Variants in CLSTN3 observed in about 807,000 individuals in gnomAD.
The protein encoded by CLSTN3 is calsyntenin 3.
In CLSTN3, 36 loss-of-function variants were observed where a neutral mutation model predicts 95.9. That is an observed-to-expected ratio of 0.38 (90% CI 0.29 to 0.50). The LOEUF (loss-of-function observed/expected upper bound fraction) is 0.50. Among genes scored for constraint, CLSTN3 ranks in the 20% least tolerant of loss-of-function variants. The probability of loss-of-function intolerance (pLI) is 0.95; values close to 1 mark genes in which losing one functional copy is unlikely to be tolerated. For missense variants in CLSTN3, 1,084 were observed against 1,268.8 expected (o/e 0.85, Z 2.21); for synonymous variants, 481 against 504.0 (o/e 0.95, Z 0.61).
At position 7,142,926 on chromosome 12, in the gene CLSTN3, G is replaced by C; in HGVS notation, c.1598G>C (p.Arg533Pro). Residue 533 changes from arginine (R) to proline (P), a missense_variant, in exon 11 of 18, where the codon CGC becomes CCC. Coordinates refer to ENST00000266546, the MANE Select transcript of CLSTN3 (RefSeq NM_014718.4). ...FHGYLAGFSV[R>P]SGRLESREVI... ...GGCTACCTGGCTGGTTTCAGCGTGC[G>C]CTCAGGTCGCCTGGAGAGCCGCGAG... 1 of 1,614,070 alleles carries C rather than the reference G, an allele frequency of 6.2e-7. No individual in the cohort carries two copies. The highest frequency in any genetic ancestry group is 8.5e-7 in the Non-Finnish European group (1 of 1,180,000).
At chr12:7,134,905 G>A (rs912470480) in intron 3 of CLSTN3, among the ~76,000 whole-genome samples, 3 of 152,120 alleles carry the variant, frequency 2.0e-5, no homozygotes, top group African/African-American at 7.2e-5. Context: ...TCCCTCTGGT[G>A]TTGTCCTCTC....
chr12:7,137,850 A>C lies in CLSTN3; in HGVS notation c.1211-105A>C. 1.2e-5 allele frequency: 7 copies of C among 561,384 alleles called. No homozygotes were observed. Among genetic ancestry groups the C allele is most frequent in the Middle Eastern group, 3.3e-4 (1 of 3,028 alleles). The allele number at this position is 561,384 out of a possible 1,614,324, so 34.8% of individuals were successfully genotyped here. The stretch of plus-strand genomic sequence containing the variant: ...AAGAAAAATGCTAGAGAACGAGGGA[A>C]TGAGAGAGGATTAAGAGAATCCAAC... On this transcript the variant is annotated intron_variant, in intron 7 of 17. Coordinates refer to ENST00000266546, the MANE Select transcript of CLSTN3 (RefSeq NM_014718.4). This position sits in a 1 kb window ranked among gnomAD's most constrained non-coding sequence, Gnocchi z 4.4.
At chr12:7,142,177 C>T (rs1939538052) in intron 10 of CLSTN3, 38 bp downstream of exon 10, 4 of 1,529,082 alleles carry the variant, frequency 2.6e-6, no homozygotes, top group Non-Finnish European at 3.6e-6. Flanking sequence ...AGAGAGTTCT[C>T]ATCTTCACTT....
At position 7,158,104 on chromosome 12, in the gene CLSTN3, G is replaced by A. The variant is rs1286782968; in HGVS notation, c.*23G>A. 1.6e-5 allele frequency: 24 copies of A among 1,483,426 alleles called. No individual in the cohort carries two copies. The highest frequency in any genetic ancestry group is 2.0e-5 in the Non-Finnish European group (22 of 1,108,272). The allele number at this position is 1,483,426 out of a possible 1,614,324, so 91.9% of individuals were successfully genotyped here. A position where few individuals can be genotyped will look rare whatever the true frequency, so the allele number is the denominator to read the frequency against. ...TAAGGCCTACACCTCTCCCCACGCA[G>A]AGGGGGAATTCTGCCCTGGTGAAAC... On this transcript the variant is annotated 3_prime_UTR_variant, in exon 18 of 18. Transcript: ENST00000266546.
In CLSTN3 at chr12:7,136,222, C is replaced by T. The variant is rs1447303936; in HGVS notation, c.759C>T (p.Ile253=). ...CCCATGCAGGCTGGAACAAAAGGATCGAATATGCACCAGGTGCTGGGAGCT... is the reference window on the plus strand; with the variant it reads ...CCCATGCAGGCTGGAACAAAAGGATTGAATATGCACCAGGTGCTGGGAGCT... The part of the protein sequence containing the change: ...KPSWQGWNKR[I]EYAPGAGSLA... Residue 253 remains isoleucine (I), a synonymous_variant, in exon 6 of 18, where the codon ATC becomes ATT. Transcript: ENST00000266546. 6.8e-6 allele frequency: 11 copies of T among 1,613,824 alleles called. No individual in the cohort carries two copies. The highest frequency in any genetic ancestry group is 3.3e-5 in the Admixed American group (2 of 59,990).
In CLSTN3 at chr12:7,132,097, C is replaced by G. The variant is rs148112355; in HGVS notation, c.65-927C>G. On this transcript the variant is annotated intron_variant, in intron 1 of 17. Coordinates refer to ENST00000266546, the MANE Select transcript of CLSTN3 (RefSeq NM_014718.4). ...CCCACAGCCCCTCACCAGGCTGAAT[C>G]TGGTAGAAGATGGGGAGATTTGGAG... Among the ~76,000 whole-genome samples the G allele has an allele frequency of 7.2e-3, 1,089 of 152,164 alleles. 17 individuals are homozygous for G. The highest frequency in any genetic ancestry group is 0.024 in the African/African-American group (996 of 41,508).
chr12:7,147,529 T>TA (rs202149210), intron 12 of CLSTN3, among the ~76,000 whole-genome samples: 2 of 150,524 alleles, frequency 1.3e-5, no homozygotes, highest in African/African-American at 4.9e-5. Context: ...TTTTTTTTTT[T>TA]GAGATAGGGT....
rs1939344127 is a variant in CLSTN3 at position 7,133,474 on chromosome 12, G to A, written c.188-99G>A. The stretch of plus-strand genomic sequence containing the variant: ...TTTGTGCCTACAGGAGAAGGGACAG[G>A]GCTTTGGGAGGAGAGGTGGAGCTGG... On this transcript the variant is annotated intron_variant, in intron 2 of 17. Transcript: ENST00000266546. The surrounding 1 kb of genome is among the most constrained non-coding windows in gnomAD (Gnocchi z 4.7). 4 of 1,188,758 alleles carry A rather than the reference G, an allele frequency of 3.4e-6. No individual in the cohort carries two copies. The highest frequency in any genetic ancestry group is 1.3e-5 in the South Asian group (1 of 75,400). 73.6% of individuals were successfully genotyped at this position (1,188,758 alleles called of 1,614,324 possible).
chr12:7,132,256 C>A, intron 1 of CLSTN3: 1 of 242,928 alleles, frequency 4.1e-6, no homozygotes, highest in Non-Finnish European at 8.3e-6. Context: ...TTGTGGAGGA[C>A]ATAGAAATGT....
chr12:7,142,849 C>A lies in CLSTN3; in HGVS notation c.1541-20C>A. On this transcript the variant is annotated intron_variant, in intron 10 of 17. Transcript: ENST00000266546. ...TCCTCTCTTCTCACCTCCCGTCCTG[C>A]TCCTGTGTTCCTACCCTAGGAGACC... 1 of 1,612,948 alleles carries A rather than the reference C, an allele frequency of 6.2e-7. No individual in the cohort carries two copies.
At chr12:7,151,593 G>C (rs1190274912) in intron 16 of CLSTN3, among the ~76,000 whole-genome samples, 2 of 152,184 alleles carry the variant, frequency 1.3e-5, no homozygotes, top group African/African-American at 4.8e-5. Context: ...AATATGCAAA[G>C]CGTTACATTC....
At position 7,137,756 on chromosome 12, in the gene CLSTN3, A is replaced by ATGTGTGTGTGTGTG. The variant is rs35489298; in HGVS notation, c.1211-172_1211-159dup. ...AGCCCAAGTTATCACTTGGACTGGAATGTGTGTGTGTGTGTGTGTGTGTGT... is the reference window on the plus strand; with the variant it reads ...AGCCCAAGTTATCACTTGGACTGGAATGTGTGTGTGTGTGTGTGTGTGTGTGTGTGTGTGTGTGT... On this transcript the variant is annotated intron_variant, in intron 7 of 17. Transcript: ENST00000266546. This position sits in a 1 kb window ranked among gnomAD's most constrained non-coding sequence, Gnocchi z 4.4. Among the ~76,000 whole-genome samples, 7 of 76,162 alleles carry ATGTGTGTGTGTGTG rather than the reference A, an allele frequency of 9.2e-5. No individual in the cohort carries two copies. Among genetic ancestry groups the ATGTGTGTGTGTGTG allele is most frequent in the African/African-American group, 4.2e-4 (7 of 16,808 alleles). 50.0% of individuals were successfully genotyped at this position (76,162 alleles called of 152,430 possible). A position where few individuals can be genotyped will look rare whatever the true frequency, so the allele number is the denominator to read the frequency against.
intron 12 of CLSTN3, 77 bp from the exon 13 acceptor site, chr12:7,148,895 G>A (rs540788906): frequency 1.3e-4 from 159 of 1,202,564 alleles, no homozygotes; most frequent in Middle Eastern, 2.0e-4. Flanking sequence ...TAGCTGGGGC[G>A]GGGAGTGAAA....
Position 7,149,474 on chromosome 12 carries a change from C to T in CLSTN3, c.2075-49C>T, listed in dbSNP as rs1256088764. 18 of 1,555,816 alleles carry T rather than the reference C, an allele frequency of 1.2e-5. No homozygotes were observed. Among genetic ancestry groups the T allele is most frequent in the Non-Finnish European group, 1.1e-5 (13 of 1,143,316 alleles). On this transcript the variant is annotated intron_variant, in intron 13 of 17. Transcript: ENST00000266546. This position sits in a 1 kb window ranked among gnomAD's most constrained non-coding sequence, Gnocchi z 4.5. ...TGAGGGCATGGTTGGGTCTCAGAAC[C>T]TCCGTGGGCCCTTTGGCTCTGACCC...
At position 7,133,471 on chromosome 12, in the gene CLSTN3, C is replaced by A; in HGVS notation, c.188-102C>A. ...GCTTTTGTGCCTACAGGAGAAGGGA[C>A]AGGGCTTTGGGAGGAGAGGTGGAGC... On this transcript the variant is annotated intron_variant, in intron 2 of 17. Transcript: ENST00000266546. The surrounding 1 kb of genome is among the most constrained non-coding windows in gnomAD (Gnocchi z 4.7). 1 of 1,163,726 alleles carries A rather than the reference C, an allele frequency of 8.6e-7. No homozygotes were observed. The highest frequency in any genetic ancestry group is 1.4e-5 in the South Asian group (1 of 73,896). 72.1% of individuals were successfully genotyped at this position (1,163,726 alleles called of 1,614,324 possible).
rs1436274476 is a variant in CLSTN3 at position 7,157,555 on chromosome 12, T to C, written c.2594T>C (p.Leu865Pro). 2 of 1,612,560 alleles carry C rather than the reference T, an allele frequency of 1.2e-6. No homozygotes were observed. Among genetic ancestry groups the C allele is most frequent in the Admixed American group, 1.7e-5 (1 of 59,674 alleles). The change falls in exon 17 of 18, where the codon CTG (leucine) becomes CCG (proline). Residue 865 changes from leucine (L) to proline (P), a missense_variant. By Grantham distance (98) the Leu-to-Pro change is moderately conservative. Coordinates refer to ENST00000266546, the MANE Select transcript of CLSTN3 (RefSeq NM_014718.4). This position sits in a 1 kb window ranked among gnomAD's most constrained non-coding sequence, Gnocchi z 5.9. ...GGCTTCCTGGTGCTCATGGTCGTCC[T>C]GGGCCTGGTGCGCATCCATTCCCTT... ...CVGFLVLMVVLGLVRIHSLHR... is the reference protein window; with the variant it reads ...CVGFLVLMVVPGLVRIHSLHR...
In CLSTN3 at chr12:7,157,838, G is replaced by C; in HGVS notation, c.2731-103G>C. 11 of 1,510,490 alleles carry C rather than the reference G, an allele frequency of 7.3e-6. No homozygotes were observed. The highest frequency in any genetic ancestry group is 9.8e-6 in the Non-Finnish European group (11 of 1,124,140). The allele number at this position is 1,510,490 out of a possible 1,614,324, so 93.6% of individuals were successfully genotyped here. ...GAGAGAGGTTCAGGCAGGGAAGGGGGTACACAGGGGTTAAGGGGACCGAGG... is the reference window on the plus strand; with the variant it reads ...GAGAGAGGTTCAGGCAGGGAAGGGGCTACACAGGGGTTAAGGGGACCGAGG... On this transcript the variant is annotated intron_variant, in intron 17 of 17. Transcript: ENST00000266546. The surrounding 1 kb of genome is among the most constrained non-coding windows in gnomAD (Gnocchi z 5.9).
intron 12 of CLSTN3, among the ~76,000 whole-genome samples, chr12:7,146,723 G>A (rs982198334): frequency 6.6e-6 from 1 of 152,108 alleles, no homozygotes; most frequent in Non-Finnish European, 1.5e-5. Context: ...TGTGTGCCAC[G>A]TCTAATCTCT....
intron 8 of CLSTN3, among the ~76,000 whole-genome samples, chr12:7,139,953 T>C (rs982568035): frequency 6.6e-6 from 1 of 152,202 alleles, no homozygotes; most frequent in African/African-American, 2.4e-5. Flanking sequence ...CAGATTTACA[T>C]TTTAACAAGA....
Sources: allele counts gnomAD v4.1 joint callset (sites outside exome capture counted in the v4.1 genomes callset), GRCh38; gene constraint gnomAD v4.1.1; non-coding constraint Gnocchi (gnomAD v3.1); transcripts MANE v1.5; gene names NCBI Gene and HGNC (gene_info 2026-07-23, HGNC 2026-07-21).